DLGAP2: variants seen among roughly 807,000 people sequenced by gnomAD.
DLGAP2 encodes the protein disks large-associated protein 2.
A neutral mutation model predicts 100.3 loss-of-function variants in DLGAP2; 26 were observed. That is an observed-to-expected ratio of 0.26 (90% CI 0.19 to 0.36). DLGAP2 has a LOEUF of 0.36. Among genes scored for constraint, DLGAP2 ranks in the 10% least tolerant of loss-of-function variants. The probability of loss-of-function intolerance (pLI) is 1.00; values close to 1 mark genes in which losing one functional copy is unlikely to be tolerated. For synonymous variants in DLGAP2, 886 were observed against 630.1 expected (o/e 1.41, Z -6.08); for missense variants, 1,858 against 1,453.2 (o/e 1.28, Z -4.53).
intron 2 of DLGAP2, among the ~76,000 whole-genome samples, chr8:1,080,277 C>T (rs773639371): frequency 9.2e-5 from 14 of 152,212 alleles, no homozygotes; most frequent in Admixed American, 2.6e-4. Context: ...GCGCCACCCC[C>T]GCCCCGCCGC....
intron 2 of DLGAP2, among the ~76,000 whole-genome samples, chr8:1,173,919 G>T (rs1318494634): frequency 1.3e-5 from 2 of 152,190 alleles, no homozygotes; most frequent in African/African-American, 4.8e-5. Context: ...ACTCCCTAGT[G>T]AGATGAACCT....
chr8:849,349 C>T (rs974655864), intron 1 of DLGAP2, among the ~76,000 whole-genome samples: 5 of 152,226 alleles, frequency 3.3e-5, no homozygotes, highest in African/African-American at 9.6e-5. Flanking sequence ...GATTCATTTG[C>T]TGAAAGCACT....
At chr8:1,294,364 C>T (rs925649240) in intron 3 of DLGAP2, among the ~76,000 whole-genome samples, 1 of 152,198 alleles carries the variant, frequency 6.6e-6, no homozygotes, top group East Asian at 1.9e-4. Flanking sequence ...CACTCTCCGT[C>T]GTCGTCCACG....
chr8:802,647 C>G (rs1453097730), intron 1 of DLGAP2, among the ~76,000 whole-genome samples: 1 of 152,180 alleles, frequency 6.6e-6, no homozygotes, highest in African/African-American at 2.4e-5. Flanking sequence ...CTCACCGTCT[C>G]AGGGGTCTTT....
At chr8:1,039,981 TG>T (rs1802276458) in intron 2 of DLGAP2, among the ~76,000 whole-genome samples, 1 of 144,764 alleles carries the variant, frequency 6.9e-6, no homozygotes, top group Non-Finnish European at 1.5e-5. Flanking sequence ...GTCGGCTCGG[TG>T]TGCATGGTCT....
chr8:1,185,090 C>A (rs925611851), intron 2 of DLGAP2, among the ~76,000 whole-genome samples: 11 of 152,092 alleles, frequency 7.2e-5, no homozygotes, highest in Non-Finnish European at 1.3e-4. Flanking sequence ...CGTCTTGCGG[C>A]CTCTCTTGGG....
intron 1 of DLGAP2, among the ~76,000 whole-genome samples, chr8:874,354 C>T (rs1421306065): frequency 6.6e-6 from 1 of 151,990 alleles, no homozygotes; most frequent in Non-Finnish European, 1.5e-5. Flanking sequence ...ATAAATTTCC[C>T]TTGAACCCTG....
chr8:762,700 C>G (rs367990281), intron 1 of DLGAP2, among the ~76,000 whole-genome samples: 1 of 152,082 alleles, frequency 6.6e-6, no homozygotes, highest in African/African-American at 2.4e-5. Flanking sequence ...GAGACAGGGT[C>G]TCACTCTAGC....
chr8:1,284,862 G>A (rs1286493472), intron 3 of DLGAP2, among the ~76,000 whole-genome samples: 1 of 152,172 alleles, frequency 6.6e-6, no homozygotes, highest in African/African-American at 2.4e-5. Flanking sequence ...AAAGTGCTGG[G>A]ATTACAGGCA....
intron 2 of DLGAP2, among the ~76,000 whole-genome samples, chr8:911,007 C>T (rs1798473934): frequency 6.6e-6 from 1 of 152,042 alleles, no homozygotes; most frequent in South Asian, 2.1e-4. Context: ...AGACGCCTGC[C>T]CATTCCTGCT....
chr8:1,417,643 G>A (rs80319861), intron 3 of DLGAP2, among the ~76,000 whole-genome samples: 19,760 of 79,280 alleles, frequency 0.25, 2,835 homozygotes, highest in East Asian at 0.37. Flanking sequence ...AGGGGGGCAC[G>A]GGGAGCCCCA....
chr8:1,639,744 G>T (rs111949462), intron 8 of DLGAP2, among the ~76,000 whole-genome samples: 108 of 152,348 alleles, frequency 7.1e-4, no homozygotes, highest in African/African-American at 2.5e-3. Flanking sequence ...GGCTTCCGGG[G>T]AGCCCGCTCC....
At chr8:1,226,586 C>A (rs1210621196) in intron 2 of DLGAP2, among the ~76,000 whole-genome samples, 1 of 152,052 alleles carries the variant, frequency 6.6e-6, no homozygotes, top group Non-Finnish European at 1.5e-5. Context: ...ATGTAACAAA[C>A]CTGAATGTCG....
intron 2 of DLGAP2, among the ~76,000 whole-genome samples, chr8:1,057,382 A>T (rs1181998721): frequency 2.6e-5 from 4 of 152,252 alleles, no homozygotes; most frequent in Non-Finnish European, 5.9e-5. Context: ...TAATCCAAAC[A>T]TTCAAATGCT....
chr8:1,255,683 C>CTG (rs1491213097), intron 2 of DLGAP2, among the ~76,000 whole-genome samples: 1 of 132,266 alleles, frequency 7.6e-6, no homozygotes, highest in Non-Finnish European at 1.5e-5. Flanking sequence ...TGCCTGGGAG[C>CTG]TGTGTGTGTG....
chr8:971,604 T>G (rs1800016313), intron 2 of DLGAP2, among the ~76,000 whole-genome samples: 1 of 152,188 alleles, frequency 6.6e-6, no homozygotes, highest in Non-Finnish European at 1.5e-5. Context: ...ATTCTACTTG[T>G]GTGAGTTTTA....
chr8:1,656,914 C>G (rs1024160626), intron 8 of DLGAP2, among the ~76,000 whole-genome samples: 1 of 152,128 alleles, frequency 6.6e-6, no homozygotes, highest in Non-Finnish European at 1.5e-5. Context: ...GTGAAACAAA[C>G]AAAATCCAAA....
intron 6 of DLGAP2, among the ~76,000 whole-genome samples, chr8:1,580,670 C>T (rs1244905239): frequency 2.6e-5 from 4 of 151,838 alleles, no homozygotes; most frequent in Admixed American, 1.3e-4. Context: ...AAACAAAACC[C>T]CATACACATC....
chr8:1,667,466 G>A (rs1465473203), intron 8 of DLGAP2, among the ~76,000 whole-genome samples: 2 of 152,152 alleles, frequency 1.3e-5, no homozygotes, highest in Non-Finnish European at 2.9e-5. Flanking sequence ...CATAGAGCTG[G>A]CCCCTTTCCG....
Sources: gnomAD v4.1 joint callset for allele counts (sites outside exome capture counted in the v4.1 genomes callset) on GRCh38, gnomAD v4.1.1 for gene constraint, MANE v1.5 for transcripts, NCBI Gene and HGNC (gene_info 2026-07-23, HGNC 2026-07-21) for gene names.